Variants in DPP6 observed in about 807,000 individuals in gnomAD.
DPP6 encodes dipeptidyl peptidase like 6, also known as A-type potassium channel modulatory protein DPP6.
In DPP6, 69 loss-of-function variants were observed where a neutral mutation model predicts 122.6. The observed-to-expected ratio is 0.56, with a 90% CI of 0.46 to 0.69. The LOEUF is 0.69. Among genes scored for constraint, DPP6 ranks in the 30% least tolerant of loss-of-function variants. The pLI is 0.00. For synonymous variants in DPP6, 418 were observed against 433.1 expected (o/e 0.97, Z 0.43); for missense variants, 928 against 1,116.9 (o/e 0.83, Z 2.41).
chr7:154,157,924 A>G (rs1024798708), intron 1 of DPP6, among the ~76,000 whole-genome samples: 1 of 149,504 alleles, frequency 6.7e-6, no homozygotes, highest in Non-Finnish European at 1.5e-5. Flanking sequence ...CAAGAGCACA[A>G]CTCCATCTCA....
At chr7:153,995,511 C>A (rs71530481) in intron 1 of DPP6, among the ~76,000 whole-genome samples, 1 of 149,928 alleles carries the variant, frequency 6.7e-6, no homozygotes, top group Non-Finnish European at 1.5e-5. Flanking sequence ...ATGGCGTGAA[C>A]CCAGGAGGCA....
In DPP6 at chr7:154,548,166, G is replaced by A. The variant is rs149421705; in HGVS notation, c.552+7540G>A. Among the ~76,000 whole-genome samples, 49 of 152,238 alleles carry A rather than the reference G, an allele frequency of 3.2e-4. No homozygotes were observed. The East Asian group carries it at 7.4e-3, about 23-fold the overall frequency. On this transcript the variant is annotated intron_variant, in intron 4 of 25. Coordinates refer to ENST00000377770, the MANE Select transcript of DPP6 (RefSeq NM_130797.4). The stretch of plus-strand genomic sequence containing the variant: ...GGAGGCTGCAGTGAGCAGAGAACAC[G>A]CCACTGTACTCCAGCCTGGGCAACA...
intron 5 of DPP6, among the ~76,000 whole-genome samples, chr7:154,628,881 C>A (rs545978426): frequency 6.6e-6 from 1 of 152,144 alleles, no homozygotes; most frequent in Admixed American, 6.5e-5. Flanking sequence ...TGTGGCAATT[C>A]GCGAAGTATT....
rs533254942 is a variant in DPP6, at chr7:153,975,493, T to C, written c.51+87759T>C. 8.1e-4 allele frequency among the ~76,000 whole-genome samples: 122 copies of C among 151,374 alleles called. 1 individual carries two copies. The highest frequency in any genetic ancestry group is 1.3e-3 in the Non-Finnish European group (86 of 67,962). ...TCACAGCAAGTCTCCTTGTTATGGG[T>C]CTACAGGGAATTAAGGCAACTTGAA... On this transcript the variant is annotated intron_variant, in intron 1 of 25. Transcript: ENST00000404039.
intron 16 of DPP6, among the ~76,000 whole-genome samples, chr7:154,823,702 G>A (rs1228646112): frequency 6.6e-6 from 1 of 152,172 alleles, no homozygotes; most frequent in East Asian, 1.9e-4. Flanking sequence ...CCAGTGATAG[G>A]CACATTTGTG....
At chr7:153,770,462 C>A in the DPP6 span, among the ~76,000 whole-genome samples, 1 of 152,032 alleles carries the variant, frequency 6.6e-6, no homozygotes, top group Admixed American at 6.6e-5. Flanking sequence ...CATAAATAAA[C>A]AATAACGAAT....
intron 3 of DPP6, among the ~76,000 whole-genome samples, chr7:154,477,000 G>GC (rs1822799491): frequency 6.6e-6 from 1 of 152,002 alleles, no homozygotes; most frequent in African/African-American, 2.4e-5. Context: ...GATGGCTTCA[G>GC]CCTGGGAGGT....
chr7:154,727,680 C>T (rs987285362), intron 7 of DPP6, 87 bp from the exon 8 acceptor site: 29 of 1,461,250 alleles, frequency 2.0e-5, no homozygotes, highest in African/African-American at 1.0e-4. Flanking sequence ...AATGAAAACC[C>T]GGTTGATGAT....
rs530618351 is a variant in DPP6 at position 153,976,569 on chromosome 7, C to A, written c.51+88835C>A. On this transcript the variant is annotated intron_variant, in intron 1 of 25. Coordinates refer to the DPP6 transcript ENST00000404039. ...ATTTTGCCAAAAACAGTAAGAACTG[C>A]AACTTCTATTGAAACATACTGAGAA... Among the ~76,000 whole-genome samples, 215 of 152,280 alleles carry A rather than the reference C, an allele frequency of 1.4e-3. 3 individuals carry two copies. The highest frequency in any genetic ancestry group is 5.0e-3 in the African/African-American group (208 of 41,536).
chr7:153,859,785 C>T, the DPP6 span, among the ~76,000 whole-genome samples: 1 of 152,142 alleles, frequency 6.6e-6, no homozygotes, highest in Admixed American at 6.5e-5. Flanking sequence ...CAGAAGGCAC[C>T]TCTTCACAGG....
At chr7:154,147,862 A>AT (rs1242449682) in intron 1 of DPP6, among the ~76,000 whole-genome samples, 160 of 150,662 alleles carry the variant, frequency 1.1e-3, no homozygotes, top group African/African-American at 3.8e-3. Flanking sequence ...TCTGTATTTG[A>AT]TTTTTTTTAC....
intron 6 of DPP6, among the ~76,000 whole-genome samples, chr7:154,665,117 A>G (rs185171923): frequency 5.0e-4 from 76 of 152,214 alleles, no homozygotes; most frequent in Admixed American, 1.1e-3. Context: ...AGGACTGGTC[A>G]GTTATGTTGT....
chr7:154,162,620 C>T (rs923243459), intron 1 of DPP6, among the ~76,000 whole-genome samples: 6 of 152,076 alleles, frequency 3.9e-5, no homozygotes, highest in African/African-American at 1.4e-4. Context: ...TTGAGTGGAA[C>T]TCAACACCTG....
intron 1 of DPP6, among the ~76,000 whole-genome samples, chr7:154,189,024 G>A (rs1231529081): frequency 6.6e-6 from 1 of 152,164 alleles, no homozygotes; most frequent in East Asian, 1.9e-4. Flanking sequence ...GGGTGTTTGT[G>A]TTCTTTGCAG....
At chr7:154,230,339 G>T (rs1264801728) in intron 1 of DPP6, among the ~76,000 whole-genome samples, 1 of 152,230 alleles carries the variant, frequency 6.6e-6, no homozygotes, top group Non-Finnish European at 1.5e-5. Context: ...AAAAAGAAGA[G>T]ATAAGCTAGA....
intron 8 of DPP6, among the ~76,000 whole-genome samples, chr7:154,729,496 A>G (rs1284236220): frequency 2.0e-5 from 3 of 152,224 alleles, no homozygotes; most frequent in African/African-American, 7.2e-5. Context: ...ACATAATAAA[A>G]TGTACATCAG....
At chr7:154,750,675 A>G (rs1397190790) in intron 8 of DPP6, among the ~76,000 whole-genome samples, 2 of 152,182 alleles carry the variant, frequency 1.3e-5, no homozygotes, top group African/African-American at 4.8e-5. Context: ...AGTAACAGAT[A>G]TAGAATGCCT....
chr7:153,931,123 C>T (rs964815088), intron 1 of DPP6, among the ~76,000 whole-genome samples: 1 of 152,122 alleles, frequency 6.6e-6, no homozygotes, highest in Non-Finnish European at 1.5e-5. Context: ...GAAGCAGTCT[C>T]GGGAGATTAT....
chr7:154,277,930 GTTCTTCCACATA>G (rs1397879258), intron 1 of DPP6, among the ~76,000 whole-genome samples: 1 of 152,188 alleles, frequency 6.6e-6, no homozygotes, highest in Non-Finnish European at 1.5e-5. Flanking sequence ...CCCAGTGAGA[GTTCTTCCACATA>G]TTCTGAGCCA....
Sources: allele counts gnomAD v4.1 joint callset (sites outside exome capture counted in the v4.1 genomes callset), GRCh38; gene constraint gnomAD v4.1.1; transcripts MANE v1.5; gene names NCBI Gene and HGNC (gene_info 2026-07-23, HGNC 2026-07-21).